METTL24: variants seen among roughly 807,000 people sequenced by gnomAD.
The protein encoded by METTL24 is methyltransferase like 24.
METTL24 carries 29 observed loss-of-function variants against 32.7 expected under a neutral mutation model. The ratio of observed to expected loss-of-function variants is 0.89; its 90% CI spans 0.66 to 1.21. METTL24 has a LOEUF of 1.21. METTL24 is among the 50% of genes most tolerant of loss of function. METTL24 has a pLI of 0.00. For missense variants in METTL24, 439 were observed against 468.1 expected (o/e 0.94, Z 0.57); for synonymous variants, 163 against 179.5 (o/e 0.91, Z 0.73).
intron 4 of METTL24, among the ~76,000 whole-genome samples, chr6:110,263,849 T>A (rs531620647): frequency 1.4e-3 from 210 of 152,248 alleles, no homozygotes; most frequent in Admixed American, 4.4e-3. Flanking sequence ...TTGACAAATC[T>A]GACAAAAAGA....
rs1349290900 is a variant in METTL24, at chr6:110,299,093, C to T, written c.615G>A (p.Val205=). The change falls in exon 4 of 5, where the codon GTG becomes GTA. Residue 205 remains valine (V), a synonymous_variant. Coordinates refer to ENST00000338882, the MANE Select transcript of METTL24 (RefSeq NM_001123364.3). ...ACTTGACACTAGGATCAAAACGATG[C>T]ACTTCACATCCGTTGTTGGCCATGC... is the stretch of plus-strand genomic sequence containing the variant. ...EVSMANNGCE[V]HRFDPSVKSA... 2 of 1,614,158 alleles carry T rather than the reference C, an allele frequency of 1.2e-6. No individual in the cohort carries two copies. The highest frequency in any genetic ancestry group is 1.1e-5 in the South Asian group (1 of 91,084).
At chr6:110,317,554 T>C (rs1442714084) in intron 2 of METTL24, among the ~76,000 whole-genome samples, 1 of 152,068 alleles carries the variant, frequency 6.6e-6, no homozygotes, top group East Asian at 1.9e-4. Context: ...CCCCAAAGCA[T>C]GCCTGGACCT....
intron 4 of METTL24, among the ~76,000 whole-genome samples, chr6:110,273,913 C>A (rs367757765): frequency 3.3e-5 from 5 of 152,316 alleles, no homozygotes; most frequent in African/African-American, 9.6e-5. Context: ...ATGAAAAAGA[C>A]AGATGCACAC....
chr6:110,264,640 A>T (rs1259320804), intron 4 of METTL24, among the ~76,000 whole-genome samples: 4 of 152,240 alleles, frequency 2.6e-5, no homozygotes, highest in Non-Finnish European at 5.9e-5. Flanking sequence ...CCAGAGGATT[A>T]TAAATCATGC....
intron 4 of METTL24, among the ~76,000 whole-genome samples, chr6:110,292,390 AGTTTT>A (rs1339818722): frequency 1.3e-5 from 2 of 152,130 alleles, no homozygotes; most frequent in South Asian, 2.1e-4. Flanking sequence ...ATCTAACTAT[AGTTTT>A]ATTTGTCTTT....
chr6:110,325,916 C>T (rs895835255), intron 1 of METTL24, among the ~76,000 whole-genome samples: 2 of 152,208 alleles, frequency 1.3e-5, no homozygotes, highest in Non-Finnish European at 2.9e-5. Flanking sequence ...TCCCAGTGCA[C>T]AGGCTGGTCA....
intron 4 of METTL24, among the ~76,000 whole-genome samples, chr6:110,287,937 G>C (rs1335779234): frequency 6.6e-6 from 1 of 152,174 alleles, no homozygotes; most frequent in African/African-American, 2.4e-5. Flanking sequence ...TGGTGTGGCA[G>C]ACCAGCAGGG....
chr6:110,252,931 G>A (rs1449090614), intron 4 of METTL24, among the ~76,000 whole-genome samples: 2 of 152,094 alleles, frequency 1.3e-5, no homozygotes, highest in African/African-American at 2.4e-5. Flanking sequence ...TTTTGAACAA[G>A]AGACCCCTCA....
chr6:110,349,525 G>T (rs1003884706), intron 1 of METTL24, among the ~76,000 whole-genome samples: 2 of 152,202 alleles, frequency 1.3e-5, no homozygotes, highest in South Asian at 4.1e-4. Flanking sequence ...AGCATAAACT[G>T]GCCCCTCCCA....
intron 1 of METTL24, among the ~76,000 whole-genome samples, chr6:110,325,920 C>G (rs1379934963): frequency 6.6e-6 from 1 of 152,198 alleles, no homozygotes; most frequent in Non-Finnish European, 1.5e-5. Flanking sequence ...AGTGCACAGG[C>G]TGGTCAGAGT....
intron 4 of METTL24, among the ~76,000 whole-genome samples, chr6:110,260,473 T>C (rs905195754): frequency 5.3e-5 from 8 of 151,932 alleles, no homozygotes; most frequent in African/African-American, 1.9e-4. Flanking sequence ...TGTGAAAAGA[T>C]CAAATCTATG....
At chr6:110,247,946 G>C (rs1778199228) in intron 4 of METTL24, among the ~76,000 whole-genome samples, 1 of 152,146 alleles carries the variant, frequency 6.6e-6, no homozygotes, top group African/African-American at 2.4e-5. Flanking sequence ...GGTCTGGTGA[G>C]AGGTGTTTGG....
chr6:110,302,172 G>A (rs888439644), intron 3 of METTL24, among the ~76,000 whole-genome samples: 2 of 151,812 alleles, frequency 1.3e-5, no homozygotes, highest in East Asian at 1.9e-4. Flanking sequence ...TAGCTACTCG[G>A]GAAGCTGAGG....
chr6:110,294,667 C>T (rs1438905525), intron 4 of METTL24, among the ~76,000 whole-genome samples: 1 of 152,050 alleles, frequency 6.6e-6, no homozygotes, highest in Non-Finnish European at 1.5e-5. Context: ...ATAAGCTATA[C>T]ATAAACTAAA....
chr6:110,301,386 G>C (rs9481054), intron 3 of METTL24, among the ~76,000 whole-genome samples: 35,703 of 152,082 alleles, frequency 0.23, 6,815 homozygotes, highest in African/African-American at 0.53. Context: ...CCATGCTCAT[G>C]ATGAGAAAGA....
chr6:110,250,628 G>C (rs1198495052), intron 4 of METTL24, among the ~76,000 whole-genome samples: 1 of 148,870 alleles, frequency 6.7e-6, no homozygotes, highest in African/African-American at 2.4e-5. Context: ...CCAATAGTTA[G>C]GAAAAGCGCC....
At chr6:110,251,503 G>GT (rs1237411803) in intron 4 of METTL24, among the ~76,000 whole-genome samples, 1 of 152,178 alleles carries the variant, frequency 6.6e-6, no homozygotes, top group Non-Finnish European at 1.5e-5. Context: ...GTAAATATTT[G>GT]TAAGTCTTAG....
At chr6:110,356,582 G>A (rs9400376) in intron 1 of METTL24, among the ~76,000 whole-genome samples, 51,611 of 152,114 alleles carry the variant, frequency 0.34, 8,882 homozygotes, top group Non-Finnish European at 0.36. Flanking sequence ...TTACAGGATT[G>A]GAAATCACCG....
At chr6:110,262,549 G>A (rs1367424010) in intron 4 of METTL24, among the ~76,000 whole-genome samples, 3 of 152,154 alleles carry the variant, frequency 2.0e-5, no homozygotes, top group East Asian at 3.9e-4. Context: ...ACAAGGAGGA[G>A]CTATTACCAT....
Sources: gnomAD v4.1 joint callset for allele counts (sites outside exome capture counted in the v4.1 genomes callset) on GRCh38, gnomAD v4.1.1 for gene constraint, MANE v1.5 for transcripts, NCBI Gene and HGNC (gene_info 2026-07-23, HGNC 2026-07-21) for gene names.